Variants in MINDY4 observed in about 807,000 individuals in gnomAD.
The protein encoded by MINDY4 is MINDY lysine 48 deubiquitinase 4.
In MINDY4, 68 loss-of-function variants were observed where a neutral mutation model predicts 87.0. That is an observed-to-expected ratio of 0.78 (90% CI 0.64 to 0.96). The LOEUF is 0.96. Among genes scored for constraint, MINDY4 ranks in the 40% least tolerant of loss-of-function variants. The pLI, the probability that MINDY4 is intolerant of heterozygous loss-of-function variation, is 0.00. For synonymous variants in MINDY4, 379 were observed against 363.2 expected, an observed-to-expected ratio of 1.04 and a Z score of -0.50; for missense variants, 919 against 928.2, an observed-to-expected ratio of 0.99 and a Z score of 0.13.
chr7:30,847,521 G>A (rs776875285), intron 9 of MINDY4, among the ~76,000 whole-genome samples: 3 of 150,554 alleles, frequency 2.0e-5, no homozygotes, highest in Non-Finnish European at 4.4e-5. Context: ...CTTCCTCAGT[G>A]TTTATTTTTT....
chr7:30,875,696 G>T, intron 15 of MINDY4, 40 bp downstream of exon 15: 1 of 1,567,854 alleles, frequency 6.4e-7, no homozygotes, highest in South Asian at 1.2e-5. Flanking sequence ...AGGGGAGCCT[G>T]ACTCTCTGGA....
At position 30,834,260 on chromosome 7, in the gene MINDY4, C is replaced by T. The variant is rs571993424; in HGVS notation, c.1133-2398C>T. Among the ~76,000 whole-genome samples the T allele has an allele frequency of 1.2e-4, 19 of 152,338 alleles. No individual in the cohort carries two copies. The East Asian group carries it at 3.5e-3, about 28-fold the overall frequency. On this transcript the variant is annotated intron_variant, in intron 6 of 17. Transcript: ENST00000265299. ...TTCCATACATCCTCTGAAATCTAGG[C>T]GGAGGTTCCCAAACCTCAATTCTTG...
intron 13 of MINDY4, among the ~76,000 whole-genome samples, chr7:30,869,136 C>T (rs986069744): frequency 6.6e-6 from 1 of 152,186 alleles, no homozygotes; most frequent in Non-Finnish European, 1.5e-5. Flanking sequence ...GTGCAGAATT[C>T]TCTGAGGGCC....
intron 6 of MINDY4, among the ~76,000 whole-genome samples, chr7:30,832,765 C>T (rs527603157): frequency 6.6e-6 from 1 of 152,210 alleles, no homozygotes; most frequent in East Asian, 1.9e-4. Flanking sequence ...ACCTTGGCCT[C>T]CCAAAGTGTT....
At chr7:30,872,158 C>T in intron 13 of MINDY4, 85 bp from the exon 14 acceptor site, 1 of 1,276,446 alleles carries the variant, frequency 7.8e-7, no homozygotes. Context: ...TAGCCTGGAA[C>T]CTAAGGGGAG....
At chr7:30,772,582 A>T (rs1005041102) in intron 1 of MINDY4, among the ~76,000 whole-genome samples, 7 of 152,196 alleles carry the variant, frequency 4.6e-5, no homozygotes, top group Non-Finnish European at 8.8e-5. Flanking sequence ...GTTCAACTTT[A>T]TACCTCCTCC....
At chr7:30,859,001 G>A (rs1165175645) in intron 12 of MINDY4, 2 of 697,498 alleles carry the variant, frequency 2.9e-6, no homozygotes, top group Non-Finnish European at 5.4e-6. Flanking sequence ...TGTGAGTTTT[G>A]AGGACTCTGA....
At chr7:30,885,880 G>A (rs2128582877) in intron 17 of MINDY4, among the ~76,000 whole-genome samples, 1 of 152,284 alleles carries the variant, frequency 6.6e-6, no homozygotes, top group Middle Eastern at 3.4e-3. Context: ...CCAGCTGCCT[G>A]CCTGTTCCAC....
At chr7:30,834,679 G>C (rs1480186621) in intron 6 of MINDY4, among the ~76,000 whole-genome samples, 1 of 152,158 alleles carries the variant, frequency 6.6e-6, no homozygotes, top group African/African-American at 2.4e-5. Flanking sequence ...AGTTTTCTGA[G>C]CTTTTATGCT....
intron 7 of MINDY4, among the ~76,000 whole-genome samples, chr7:30,837,654 A>G (rs1050682287): frequency 7.2e-5 from 11 of 152,150 alleles, no homozygotes; most frequent in African/African-American, 1.9e-4. Flanking sequence ...TCACCATGCA[A>G]TGAGTCTTTG....
chr7:30,844,178 G>A (rs549495545), intron 9 of MINDY4, among the ~76,000 whole-genome samples: 3 of 152,244 alleles, frequency 2.0e-5, no homozygotes, highest in Admixed American at 6.5e-5. Context: ...TGAGTGAAGC[G>A]GTCTGACTTC....
At chr7:30,881,774 ATTTG>A (rs1790469249) in intron 15 of MINDY4, among the ~76,000 whole-genome samples, 1 of 152,168 alleles carries the variant, frequency 6.6e-6, no homozygotes, top group East Asian at 1.9e-4. Flanking sequence ...GACAAGCTGA[ATTTG>A]TTTGAGGGGT....
intron 8 of MINDY4, 130 bp from the exon 9 acceptor site, chr7:30,840,630 A>C: frequency 1.5e-6 from 1 of 679,742 alleles, no homozygotes; most frequent in Admixed American, 2.7e-5. Context: ...TTGCCACATC[A>C]GAGGCCCTTC....
intron 6 of MINDY4, 47 bp downstream of exon 6, chr7:30,828,784 GGTC>G: frequency 6.3e-7 from 1 of 1,594,388 alleles, no homozygotes; most frequent in East Asian, 2.2e-5. Context: ...GGGCCCAAGG[GGTC>G]CTCGTTGGCT....
chr7:30,865,430 G>A (rs1322665462), intron 13 of MINDY4, among the ~76,000 whole-genome samples: 1 of 152,254 alleles, frequency 6.6e-6, no homozygotes, highest in Non-Finnish European at 1.5e-5. Context: ...ACGGGGGCAT[G>A]GATGCCAGTG....
chr7:30,814,666 T>G (rs1431813112), intron 5 of MINDY4, among the ~76,000 whole-genome samples: 1 of 152,248 alleles, frequency 6.6e-6, no homozygotes, highest in Non-Finnish European at 1.5e-5. Context: ...CTGTAGAACA[T>G]TTAACACCCT....
chr7:30,884,202 C>A (rs1475769912), intron 17 of MINDY4, among the ~76,000 whole-genome samples: 1 of 152,100 alleles, frequency 6.6e-6, no homozygotes, highest in Non-Finnish European at 1.5e-5. Context: ...TTGAGAGGAG[C>A]TGCAGAGAAA....
Position 30,813,490 on chromosome 7 carries a change from G to A in MINDY4, c.1074-15189G>A, listed in dbSNP as rs185154912. ...CTCAGTGAATGCCCTCACCTGCTGG[G>A]TTTTCCATTCACAGCCACCTGTGCT... On this transcript the variant is annotated intron_variant, in intron 5 of 17. Transcript: ENST00000265299. 1.8e-4 allele frequency among the ~76,000 whole-genome samples: 27 copies of A among 152,272 alleles called. No homozygotes were observed. In the Middle Eastern group the frequency reaches 0.017, roughly 96 times the overall value.
chr7:30,771,850 G>A (rs1198372441), intron 1 of MINDY4, among the ~76,000 whole-genome samples: 1 of 152,218 alleles, frequency 6.6e-6, no homozygotes, highest in South Asian at 2.1e-4. Context: ...GGGGCCTGGG[G>A]GCCGCGCCAA....
Sources: gnomAD v4.1 joint callset for allele counts (sites outside exome capture counted in the v4.1 genomes callset) on GRCh38, gnomAD v4.1.1 for gene constraint, MANE v1.5 for transcripts, NCBI Gene and HGNC (gene_info 2026-07-23, HGNC 2026-07-21) for gene names.